Variants in PHRF1 observed in about 807,000 individuals in gnomAD.
The protein encoded by PHRF1 is PHD and RING finger domain-containing protein 1.
Under a neutral mutation model 128.9 loss-of-function variants are expected in PHRF1, and 53 were observed. The ratio of observed to expected loss-of-function variants is 0.41; its 90% CI spans 0.33 to 0.52. The LOEUF is 0.52. Among genes scored for constraint, PHRF1 ranks in the 20% least tolerant of loss-of-function variants. PHRF1 has a pLI of 0.21. For synonymous variants in PHRF1, 1,178 were observed against 980.6 expected, an observed-to-expected ratio of 1.20 and a Z score of -3.76; for missense variants, 2,503 against 2,284.5, an observed-to-expected ratio of 1.10 and a Z score of -1.95.
At position 608,328 on chromosome 11, in the gene PHRF1, C is replaced by T. The variant is rs375869327; in HGVS notation, c.2872C>T (p.Arg958Trp). ...CAGCACCTTCTTTGGCTCTGAGGAG[C>T]GGACGGTGACCTGTGTGACTGTCGT... is the stretch of plus-strand genomic sequence containing the variant. ...SCSTFFGSEE[R>W]TVTCVTVVEP... The change falls in exon 14 of 18, where the codon CGG (arginine) becomes TGG (tryptophan). Residue 958 changes from arginine to tryptophan, a missense_variant. Physicochemically the swap from Arg to Trp is moderately radical, Grantham distance 101. Transcript: ENST00000264555. 1.7e-5 allele frequency: 28 copies of T among 1,609,188 alleles called. No individual in the cohort carries two copies. The highest frequency in any genetic ancestry group is 2.2e-5 in the Non-Finnish European group (26 of 1,178,790).
intron 1 of PHRF1, among the ~76,000 whole-genome samples, chr11:578,250 T>C (rs529807551): frequency 2.5e-4 from 38 of 152,342 alleles, no homozygotes; most frequent in African/African-American, 9.1e-4. Flanking sequence ...TGGGTTATTT[T>C]GTGTTCTCTG....
rs568285609 is a variant in PHRF1 at position 583,571 on chromosome 11, A to T, written c.214+1490A>T. Reference sequence around the variant, plus strand: ...CAATTGGCTGATGGTTGTGCCCTTGAACTTCTTTTGAGAGAACAATGTTCC... The same window carrying T: ...CAATTGGCTGATGGTTGTGCCCTTGTACTTCTTTTGAGAGAACAATGTTCC... On this transcript the variant is annotated intron_variant, in intron 3 of 17. Coordinates refer to ENST00000264555, the MANE Select transcript of PHRF1 (RefSeq NM_001286581.2). Among the ~76,000 whole-genome samples, 14 of 152,256 alleles carry T rather than the reference A, an allele frequency of 9.2e-5. No individual in the cohort carries two copies. In the East Asian group the frequency reaches 2.7e-3, roughly 29 times the overall value.
chr11:611,580 G>A, intron 17 of PHRF1, 54 bp from the exon 18 acceptor site: 1 of 1,609,896 alleles, frequency 6.2e-7, no homozygotes, highest in Non-Finnish European at 8.5e-7. Flanking sequence ...CTGGGCTCTG[G>A]CCCGGAACAT....
At chr11:606,281 G>A (rs1855932384) in intron 12 of PHRF1, among the ~76,000 whole-genome samples, 161 bp from the exon 13 acceptor site, 1 of 152,220 alleles carries the variant, frequency 6.6e-6, no homozygotes, top group South Asian at 2.1e-4. Flanking sequence ...GCCCCGGTGA[G>A]CACCTCTTAG....
At chr11:594,902 C>T (rs1294816933) in intron 6 of PHRF1, among the ~76,000 whole-genome samples, 1 of 150,900 alleles carries the variant, frequency 6.6e-6, no homozygotes, top group Non-Finnish European at 1.5e-5. Context: ...GATAAAACAA[C>T]GCAAGTACAT....
chr11:582,849 A>G (rs1164970102), intron 3 of PHRF1, among the ~76,000 whole-genome samples: 1 of 150,184 alleles, frequency 6.7e-6, no homozygotes, highest in Non-Finnish European at 1.5e-5. Context: ...CCTGGCCAGC[A>G]TAGTGAAACC....
intron 1 of PHRF1, among the ~76,000 whole-genome samples, chr11:579,264 C>CCCTGCTTTTCCCCCCAGT (rs1194833373): frequency 2.0e-5 from 3 of 152,148 alleles, no homozygotes; most frequent in African/African-American, 7.2e-5. Context: ...CTCCCCCCAG[C>CCCTGCTTTTCCCCCCAGT]CCTGCTCTGT....
In PHRF1 at chr11:605,735, G is replaced by T; in HGVS notation, c.1454+11G>T. ...CGTGGGGCTTTCCAGGTGTGTGAGGGCAGAGGCTTCTGGGGAGGTGGGGGC... is the reference window on the plus strand; with the variant it reads ...CGTGGGGCTTTCCAGGTGTGTGAGGTCAGAGGCTTCTGGGGAGGTGGGGGC... On this transcript the variant is annotated intron_variant, in intron 12 of 17. Coordinates refer to ENST00000264555, the MANE Select transcript of PHRF1 (RefSeq NM_001286581.2). 1 of 1,603,750 alleles carries T rather than the reference G, an allele frequency of 6.2e-7. No individual in the cohort carries two copies.
intron 12 of PHRF1, 72 bp from the exon 13 acceptor site, chr11:606,370 G>A: frequency 6.8e-7 from 1 of 1,464,154 alleles, no homozygotes; most frequent in Non-Finnish European, 9.0e-7. Context: ...GCCTGCTGCG[G>A]GGCTCTGCCT....
Position 601,631 on chromosome 11 carries a change from G to A in PHRF1, c.1082G>A (p.Ser361Asn), listed in dbSNP as rs1193706139. ...ACCCCGTCCGGACCATCCGCAAAAAGTAAGAGCTCAGCGACAAGATCTAAG... is the reference window on the plus strand; with the variant it reads ...ACCCCGTCCGGACCATCCGCAAAAAATAAGAGCTCAGCGACAAGATCTAAG... ...KKTPSGPSAK[S>N]KSSATRSKKR... Residue 361 changes from serine (S) to asparagine (N), a missense_variant, in exon 10 of 18, where the codon AGT becomes AAT. Physicochemically the swap from Ser to Asn is conservative, Grantham distance 46. Coordinates refer to ENST00000264555, the MANE Select transcript of PHRF1 (RefSeq NM_001286581.2). The A allele has an allele frequency of 3.7e-6, 6 of 1,613,676 alleles. No individual in the cohort carries two copies. The highest frequency in any genetic ancestry group is 5.1e-6 in the Non-Finnish European group (6 of 1,179,892).
chr11:605,121 T>G lies in PHRF1; in HGVS notation c.1155T>G (p.Ser385Arg), dbSNP rs752121724. The G allele has an allele frequency of 6.2e-7, 1 of 1,606,876 alleles. No individual in the cohort carries two copies. Among genetic ancestry groups the G allele is most frequent in the Non-Finnish European group, 8.5e-7 (1 of 1,174,522 alleles). ...TTTTTCTTTGTTACTGGATTCAGAGTGAAGCCACCACTCGCTCTCGAATCG... is the reference window on the plus strand; with the variant it reads ...TTTTTCTTTGTTACTGGATTCAGAGGGAAGCCACCACTCGCTCTCGAATCG... ...VKKRRGKKVK[S>R]EATTRSRIAR... The change falls in exon 11 of 18, where the codon AGT becomes AGG. Residue 385 changes from serine (S) to arginine (R), a missense_variant and splice_region_variant. Transcript: ENST00000264555.
chr11:581,389 A>T (rs1564837106), intron 1 of PHRF1, 103 bp from the exon 2 acceptor site: 5 of 898,204 alleles, frequency 5.6e-6, no homozygotes, highest in Non-Finnish European at 8.6e-6. Context: ...GTGGCGGTGG[A>T]TGTGACACGG....
Position 609,548 on chromosome 11 carries a change from G to C in PHRF1, c.4092G>C (p.Ala1364=), listed in dbSNP as rs768079641. The change falls in exon 14 of 18, where the codon GCG becomes GCC. Residue 1364 remains alanine, a synonymous_variant. Transcript: ENST00000264555. ...AGGCACCCAGTTCCCCGGATGTGGC[G>C]CCTGCGGGGAAGGAAGACAGCCCCT... ...KAEAPSSPDV[A]PAGKEDSPSA... 6.3e-7 allele frequency: 1 copy of C among 1,599,170 alleles called. No homozygotes were observed. The highest frequency in any genetic ancestry group is 1.3e-5 in the African/African-American group (1 of 74,876).
At chr11:591,283 TG>T in intron 4 of PHRF1, 100 bp from the exon 5 acceptor site, 1 of 1,048,168 alleles carries the variant, frequency 9.5e-7, no homozygotes. Flanking sequence ...GCCTGGCGCA[TG>T]GAGGCATTTA....
chr11:591,555 C>T (rs1261732152), intron 5 of PHRF1, 88 bp downstream of exon 5: 11 of 1,108,672 alleles, frequency 9.9e-6, no homozygotes, highest in South Asian at 1.6e-5. Flanking sequence ...TGGGCTTGCT[C>T]TCCTGAAATG....
intron 3 of PHRF1, among the ~76,000 whole-genome samples, chr11:584,602 G>A (rs970346682): frequency 1.3e-5 from 2 of 152,134 alleles, no homozygotes; most frequent in African/African-American, 4.8e-5. Context: ...CGGGGGAGCT[G>A]TGAAGAGACA....
rs1406388515 is a variant in PHRF1, at chr11:611,181, C to T, written c.4806+99C>T. On this transcript the variant is annotated intron_variant, in intron 17 of 17. Coordinates refer to ENST00000264555, the MANE Select transcript of PHRF1 (RefSeq NM_001286581.2). ...ACTTTGGGGTGGCCATGAGTGCAGG[C>T]CCGAGGTCAGCCAGCCAGGTTAGGG... The T allele has an allele frequency of 1.9e-6, 3 of 1,543,310 alleles. No homozygotes were observed. In the African/African-American group the frequency reaches 4.1e-5, roughly 21 times the overall value.
chr11:597,438 T>A lies in PHRF1; in HGVS notation c.762T>A (p.Ala254=). The A allele has an allele frequency of 6.2e-7, 1 of 1,612,966 alleles. No homozygotes were observed. The highest frequency in any genetic ancestry group is 8.5e-7 in the Non-Finnish European group (1 of 1,179,644). The part of the protein sequence containing the change: ...VSEEEVSLLL[A]DVVPTTSRLR... ...AGGAGGAGGTCTCCCTGCTCTTGGC[T>A]GATGTGGTGCCCACCACCAGCAGGC... is the stretch of plus-strand genomic sequence containing the variant. The change falls in exon 8 of 18, where the codon GCT becomes GCA. Residue 254 remains alanine (A), a synonymous_variant. Coordinates refer to ENST00000264555, the MANE Select transcript of PHRF1 (RefSeq NM_001286581.2). The surrounding 1 kb of genome is among the most constrained non-coding windows in gnomAD (Gnocchi z 6.5).
chr11:597,283 C>A lies in PHRF1; in HGVS notation c.719-112C>A. The A allele has an allele frequency of 7.4e-7, 1 of 1,357,946 alleles. No homozygotes were observed. Among genetic ancestry groups the A allele is most frequent in the Non-Finnish European group, 1.0e-6 (1 of 999,560 alleles). The allele number at this position is 1,357,946 out of a possible 1,614,324, so 84.1% of individuals were successfully genotyped here. A position where few individuals can be genotyped will look rare whatever the true frequency, so the allele number is the denominator to read the frequency against. On this transcript the variant is annotated intron_variant, in intron 7 of 17. Coordinates refer to ENST00000264555, the MANE Select transcript of PHRF1 (RefSeq NM_001286581.2). This position sits in a 1 kb window ranked among gnomAD's most constrained non-coding sequence, Gnocchi z 6.5. ...TCCATGAGCAGCCCTGGGTCCTGTG[C>A]ACAGGTCAGCCCGAGCCAGGGCTGC... is the stretch of plus-strand genomic sequence containing the variant.
Sources: gnomAD v4.1 joint callset for allele counts (sites outside exome capture counted in the v4.1 genomes callset) on GRCh38, gnomAD v4.1.1 for gene constraint, Gnocchi (gnomAD v3.1) non-coding constraint, MANE v1.5 for transcripts, NCBI Gene and HGNC (gene_info 2026-07-23, HGNC 2026-07-21) for gene names.